BIRC6: variants seen among roughly 807,000 people sequenced by gnomAD.
The protein encoded by BIRC6 is baculoviral IAP repeat containing 6.
In BIRC6, 98 loss-of-function variants were observed where a neutral mutation model predicts 503.3. That is an observed-to-expected ratio of 0.19 (90% CI 0.17 to 0.23). BIRC6 has a LOEUF of 0.23. Ranked by LOEUF, BIRC6 falls within the 10% of genes least tolerant of loss-of-function variation. The pLI is 1.00. For missense variants in BIRC6, 5,360 were observed against 5,806.0 expected, an observed-to-expected ratio of 0.92 and a Z score of 2.50; for synonymous variants, 2,240 against 2,078.7, an observed-to-expected ratio of 1.08 and a Z score of -2.11.
intron 54 of BIRC6, among the ~76,000 whole-genome samples, chr2:32,514,331 G>C (rs1012785289): frequency 2.0e-5 from 3 of 152,114 alleles, no homozygotes; most frequent in African/African-American, 4.8e-5. Context: ...TCTCAAAAAA[G>C]AACAAAAATG....
At chr2:32,438,246 G>A (rs998567317) in intron 15 of BIRC6, among the ~76,000 whole-genome samples, 2 of 152,076 alleles carry the variant, frequency 1.3e-5, no homozygotes, top group South Asian at 2.1e-4. Context: ...TTTTTTGGAC[G>A]AGTAAAGGGG....
Position 32,463,317 on chromosome 2 carries a change from C to T in BIRC6, c.4877C>T (p.Ser1626Leu). 1 of 1,613,886 alleles carries T rather than the reference C, an allele frequency of 6.2e-7. No homozygotes were observed. Among genetic ancestry groups the T allele is most frequent in the Non-Finnish European group, 8.5e-7 (1 of 1,179,848 alleles). The change falls in exon 24 of 74, where the codon TCA becomes TTA. Residue 1626 changes from serine to leucine, a missense_variant. By Grantham distance (145) the Ser-to-Leu change is moderately radical. Coordinates refer to ENST00000421745, the MANE Select transcript of BIRC6 (RefSeq NM_016252.4). ...ALQSLSHAMA[S>L]AEQQLQVLQE... ...CAGTCTCTCTCTCATGCAATGGCTT[C>T]AGCCGAGCAACAGCTACAGGTGCTG...
At chr2:32,441,967 C>A in intron 17 of BIRC6, 98 bp from the exon 18 acceptor site, 2 of 893,294 alleles carry the variant, frequency 2.2e-6, no homozygotes, top group South Asian at 5.7e-5. Flanking sequence ...TTGAGATGTT[C>A]ATGAATTAAA....
rs540052580 is a variant in BIRC6, at chr2:32,408,385, C to T, written c.1477+1828C>T. Among the ~76,000 whole-genome samples the T allele has an allele frequency of 5.3e-5, 8 of 152,292 alleles. No individual in the cohort carries two copies. In the East Asian group the frequency reaches 5.8e-4, roughly 11 times the overall value. ...TCAGCCTCCCAAAGTGCTGGGATTACAGAGGTGAGCCACTGCGCCCGGCCA... is the reference window on the plus strand; with the variant it reads ...TCAGCCTCCCAAAGTGCTGGGATTATAGAGGTGAGCCACTGCGCCCGGCCA... On this transcript the variant is annotated intron_variant, in intron 9 of 73. Coordinates refer to ENST00000421745, the MANE Select transcript of BIRC6 (RefSeq NM_016252.4).
At position 32,415,899 on chromosome 2, in the gene BIRC6, C is replaced by T. The variant is rs752993442; in HGVS notation, c.2608C>T (p.Arg870Ter). 1 of 1,613,848 alleles carries T rather than the reference C, an allele frequency of 6.2e-7. No individual in the cohort carries two copies. The stretch of plus-strand genomic sequence containing the variant: ...GCTTCCACCCGATATATTGGATAAT[C>T]GAGAGGATGACTGTGAGGAACCTAT... The part of the protein sequence containing the change: ...ILLPPDILDN[R>*]EDDCEEPIED... Residue 870 changes from arginine (R) to a stop codon, truncating the protein, a stop_gained, in exon 10 of 74, where the codon CGA becomes TGA. Transcript: ENST00000421745. LOFTEE classifies it high-confidence loss of function.
At chr2:32,487,498 T>A (rs1363044470) in intron 40 of BIRC6, 149 bp from the exon 41 acceptor site, 1 of 610,616 alleles carries the variant, frequency 1.6e-6, no homozygotes, top group Non-Finnish European at 2.5e-6. Flanking sequence ...AAAAACACGT[T>A]TTTCAAATAC....
intron 65 of BIRC6, among the ~76,000 whole-genome samples, chr2:32,567,708 A>T (rs2150867055): frequency 6.6e-6 from 1 of 152,316 alleles, no homozygotes; most frequent in East Asian, 1.9e-4. Flanking sequence ...CACAGTGGGG[A>T]TGATAATACC....
chr2:32,494,951 A>G (rs2052264244), intron 45 of BIRC6, among the ~76,000 whole-genome samples: 1 of 152,190 alleles, frequency 6.6e-6, no homozygotes, highest in Non-Finnish European at 1.5e-5. Flanking sequence ...GTCAGTAGTG[A>G]CTATTGCCAC....
intron 15 of BIRC6, among the ~76,000 whole-genome samples, chr2:32,436,802 C>T (rs1243555445): frequency 1.3e-5 from 2 of 151,626 alleles, no homozygotes; most frequent in Non-Finnish European, 2.9e-5. Context: ...GACCTCAAAT[C>T]ATCTGCCCAC....
rs75434823 is a variant in BIRC6 at position 32,594,352 on chromosome 2, T to G, written c.13501+292T>G. 410 of 249,670 alleles carry G rather than the reference T, an allele frequency of 1.6e-3. 1 individual carries two copies. The highest frequency in any genetic ancestry group is 8.7e-3 in the African/African-American group (386 of 44,304). The allele number at this position is 249,670 out of a possible 1,614,324, so 15.5% of individuals were successfully genotyped here. ...TGAAATTGAAAAAATGCCTTTATAT[T>G]AGATAGAAAATAGTACATTAAGACT... On this transcript the variant is annotated intron_variant, in intron 67 of 73. Coordinates refer to ENST00000421745, the MANE Select transcript of BIRC6 (RefSeq NM_016252.4).
intron 65 of BIRC6, chr2:32,557,734 A>G (rs1273170095): frequency 6.6e-6 from 1 of 152,230 alleles, no homozygotes; most frequent in Non-Finnish European, 1.5e-5. Context: ...GACCAAAACA[A>G]TCACTAAGAG....
intron 65 of BIRC6, among the ~76,000 whole-genome samples, chr2:32,561,967 G>A (rs539862468): frequency 7.2e-5 from 11 of 151,948 alleles, no homozygotes; most frequent in South Asian, 4.1e-4. Flanking sequence ...GGTTGAACCC[G>A]GGAGGTGAAG....
chr2:32,510,807 GACAT>G (rs1372275831), intron 53 of BIRC6, among the ~76,000 whole-genome samples, 173 bp downstream of exon 53: 1 of 152,122 alleles, frequency 6.6e-6, no homozygotes, highest in Non-Finnish European at 1.5e-5. Flanking sequence ...ATGAACATTA[GACAT>G]ACATTTGTAT....
chr2:32,466,500 T>C (rs902516747), intron 26 of BIRC6, among the ~76,000 whole-genome samples: 3 of 152,224 alleles, frequency 2.0e-5, no homozygotes, highest in Non-Finnish European at 2.9e-5. Context: ...GTAGTCCTGC[T>C]TTCACTTTGG....
At chr2:32,489,232 A>G (rs2051381503) in intron 42 of BIRC6, among the ~76,000 whole-genome samples, 1 of 152,050 alleles carries the variant, frequency 6.6e-6, no homozygotes, top group Non-Finnish European at 1.5e-5. Flanking sequence ...ATATTTAAAG[A>G]AAAATAAAAA....
chr2:32,473,265 T>A, intron 33 of BIRC6, 26 bp downstream of exon 33: 1 of 1,500,420 alleles, frequency 6.7e-7, no homozygotes, highest in South Asian at 1.3e-5. Flanking sequence ...TTTAAAAATT[T>A]TTAATGTTTG....
intron 8 of BIRC6, among the ~76,000 whole-genome samples, chr2:32,404,319 AT>A (rs1435967762): frequency 1.3e-5 from 2 of 150,826 alleles, no homozygotes; most frequent in African/African-American, 2.4e-5. Flanking sequence ...TATTCATATA[AT>A]TTTTTTTCTT....
rs59088621 is a variant in BIRC6 at position 32,374,800 on chromosome 2, T to TA, written c.326-2787dup. Among the ~76,000 whole-genome samples the TA allele has an allele frequency of 5.2e-3, 790 of 152,244 alleles. 5 individuals are homozygous for TA. Among genetic ancestry groups the TA allele is most frequent in the African/African-American group, 0.018 (745 of 41,554 alleles). On this transcript the variant is annotated intron_variant, in intron 1 of 73. Transcript: ENST00000421745. ...TTTTTAATTTTTAAATTAAGATAGA[T>TA]ACGGGGTCTGTCTCAGGCTGGTCTC...
intron 63 of BIRC6, 111 bp downstream of exon 63, chr2:32,545,971 T>G: frequency 7.3e-6 from 7 of 957,058 alleles, no homozygotes; most frequent in Non-Finnish European, 1.1e-5. Context: ...TGTTCCATTT[T>G]CACATCTAAA....
Sources: gnomAD v4.1 joint callset for allele counts (sites outside exome capture counted in the v4.1 genomes callset) on GRCh38, gnomAD v4.1.1 for gene constraint, MANE v1.5 for transcripts, NCBI Gene and HGNC (gene_info 2026-07-23, HGNC 2026-07-21) for gene names.